CRB1: variants seen among roughly 807,000 people sequenced by gnomAD.
The protein encoded by CRB1 is crumbs cell polarity complex component 1.
Under a neutral mutation model 120.0 loss-of-function variants are expected in CRB1, and 83 were observed. The ratio of observed to expected loss-of-function variants is 0.69; its 90% confidence interval spans 0.58 to 0.83. The LOEUF (loss-of-function observed/expected upper bound fraction) is 0.83. Among genes scored for constraint, CRB1 ranks in the 40% least tolerant of loss-of-function variants. The pLI is 0.00. For synonymous variants in CRB1, 625 were observed against 612.5 expected, an observed-to-expected ratio of 1.02 and a Z score of -0.30; for missense variants, 1,699 against 1,687.6, an observed-to-expected ratio of 1.01 and a Z score of -0.12.
chr1:197,256,984 A>T, the CRB1 span, among the ~76,000 whole-genome samples: 3 of 147,944 alleles, frequency 2.0e-5, no homozygotes, highest in Admixed American at 1.4e-4. Context: ...TTATTAGGGA[A>T]ATTGGCTCAC....
At chr1:197,209,863 G>C in the CRB1 span, among the ~76,000 whole-genome samples, 1 of 152,226 alleles carries the variant, frequency 6.6e-6, no homozygotes, top group Non-Finnish European at 1.5e-5. Context: ...TTCCCCAGTG[G>C]GGGTATGTAT....
intron 11 of CRB1, among the ~76,000 whole-genome samples, chr1:197,460,599 T>C (rs1666486244): frequency 6.6e-6 from 1 of 152,132 alleles, no homozygotes; most frequent in African/African-American, 2.4e-5. Flanking sequence ...CATAGTACTG[T>C]TATTTCCACT....
Position 197,328,851 on chromosome 1 carries a change from T to C in CRB1, c.500T>C (p.Ile167Thr), listed in dbSNP as rs139837568. The C allele has an allele frequency of 1.2e-6, 2 of 1,610,276 alleles. No individual in the cohort carries two copies. The highest frequency in any genetic ancestry group is 1.7e-5 in the Admixed American group (1 of 59,944). ...AATGGGGCCGTGTGCCAGGATGGAA[T>C]TGATGGTTACTCCTGCTTCTGTGTC... ...CQNGAVCQDG[I>T]DGYSCFCVPG... Residue 167 changes from isoleucine to threonine, a missense_variant, in exon 2 of 12, where the codon ATT becomes ACT. Ile to Thr is a moderately conservative substitution (Grantham distance 89). Coordinates refer to ENST00000367400, the MANE Select transcript of CRB1 (RefSeq NM_201253.3).
At chr1:197,412,258 T>A (rs1663749323) in intron 5 of CRB1, among the ~76,000 whole-genome samples, 1 of 152,230 alleles carries the variant, frequency 6.6e-6, no homozygotes, top group Non-Finnish European at 1.5e-5. Context: ...GTAATATTTA[T>A]CCAAGTTCAC....
At chr1:197,421,984 G>A (rs1664356663) in intron 6 of CRB1, 28 bp downstream of exon 6, 2 of 1,602,730 alleles carry the variant, frequency 1.2e-6, no homozygotes, top group South Asian at 2.2e-5. Context: ...GCTATGGCTA[G>A]GAGTGCCATG....
At position 197,477,806 on chromosome 1, in the gene CRB1, G is replaced by A. The variant is rs200573274; in HGVS notation, c.4148G>A (p.Arg1383His). 1.5e-4 allele frequency: 248 copies of A among 1,613,866 alleles called. 1 individual carries two copies. The highest frequency in any genetic ancestry group is 6.0e-4 in the South Asian group (55 of 91,076). The change falls in exon 12 of 12, where the codon CGT (arginine) becomes CAT (histidine). Residue 1383 changes from arginine (R) to histidine (H), a missense_variant. Physicochemically the swap from Arg to His is conservative, Grantham distance 29. Coordinates refer to ENST00000367400, the MANE Select transcript of CRB1 (RefSeq NM_201253.3). ...RATQGTYSPS[R>H]QEKEGSRVEM... ...ACTCAGGGAACCTACAGCCCCAGCC[G>A]TCAGGAGAAGGAGGGCTCCCGAGTG...
chr1:197,394,793 G>T (rs1165083219), intron 5 of CRB1, among the ~76,000 whole-genome samples: 1 of 151,950 alleles, frequency 6.6e-6, no homozygotes, highest in African/African-American at 2.4e-5. Flanking sequence ...TATTTCTCCA[G>T]ATGTGGAGAT....
At chr1:197,283,848 T>G (rs1655674109) in intron 1 of CRB1, among the ~76,000 whole-genome samples, 1 of 151,526 alleles carries the variant, frequency 6.6e-6, no homozygotes, top group African/African-American at 2.4e-5. Flanking sequence ...ATTTAGTTAT[T>G]CAAACAATAA....
At chr1:197,419,973 A>G (rs1664209767) in intron 5 of CRB1, among the ~76,000 whole-genome samples, 1 of 141,742 alleles carries the variant, frequency 7.1e-6, no homozygotes, top group Admixed American at 7.6e-5. Context: ...AGAGCGAGAC[A>G]CGATCTCAAA....
intron 5 of CRB1, among the ~76,000 whole-genome samples, chr1:197,405,201 G>C (rs576501255): frequency 2.0e-5 from 3 of 152,008 alleles, no homozygotes; most frequent in Non-Finnish European, 4.4e-5. Flanking sequence ...TTAGCCTGCC[G>C]AGTGCCTGCG....
At chr1:197,446,655 G>A (rs1210349137) in intron 11 of CRB1, among the ~76,000 whole-genome samples, 3 of 152,212 alleles carry the variant, frequency 2.0e-5, no homozygotes, top group East Asian at 1.9e-4. Flanking sequence ...ACTGGACCCA[G>A]AAAGACACAG....
intron 8 of CRB1, among the ~76,000 whole-genome samples, chr1:197,432,456 A>AAATG (rs1664919858): frequency 6.6e-6 from 1 of 151,936 alleles, no homozygotes. Flanking sequence ...TAAGTCAAAT[A>AAATG]ATACACTTGA....
chr1:197,232,689 G>A, the CRB1 span, among the ~76,000 whole-genome samples: 1 of 152,080 alleles, frequency 6.6e-6, no homozygotes, highest in African/African-American at 2.4e-5. Context: ...TGAAGGAGAG[G>A]CCAGGTCTCT....
At chr1:197,396,100 G>T (rs1003154422) in intron 5 of CRB1, among the ~76,000 whole-genome samples, 2 of 152,050 alleles carry the variant, frequency 1.3e-5, no homozygotes, top group Non-Finnish European at 2.9e-5. Context: ...AAATTTCAAA[G>T]AATTTGCCAA....
intron 5 of CRB1, among the ~76,000 whole-genome samples, chr1:197,379,220 A>G (rs1249950502): frequency 6.6e-6 from 1 of 152,208 alleles, no homozygotes; most frequent in African/African-American, 2.4e-5. Flanking sequence ...GCAATTATAA[A>G]TGTACATAAT....
chr1:197,452,187 T>A (rs1666006516), intron 11 of CRB1, among the ~76,000 whole-genome samples: 1 of 152,174 alleles, frequency 6.6e-6, no homozygotes, highest in Non-Finnish European at 1.5e-5. Context: ...CACAGTTCAA[T>A]ATTCTTCCTG....
At chr1:197,453,938 TAATATATATTA>T in intron 11 of CRB1, among the ~76,000 whole-genome samples, 1 of 31,614 alleles carries the variant, frequency 3.2e-5, no homozygotes, top group African/African-American at 1.4e-4. Context: ...ATATTATTAA[TAATATATATTA>T]TTGATATTAT....
the CRB1 span, among the ~76,000 whole-genome samples, chr1:197,231,005 T>C: frequency 6.6e-6 from 1 of 152,326 alleles, no homozygotes; most frequent in East Asian, 1.9e-4. Context: ...TTTTGCAAAC[T>C]ATTAAGTGTT....
At chr1:197,283,681 A>T (rs1655665624) in intron 1 of CRB1, among the ~76,000 whole-genome samples, 1 of 151,848 alleles carries the variant, frequency 6.6e-6, no homozygotes. Context: ...CTAGAAATTT[A>T]ATAGCAATTA....
Sources: allele counts gnomAD v4.1 joint callset (sites outside exome capture counted in the v4.1 genomes callset), GRCh38; gene constraint gnomAD v4.1.1; transcripts MANE v1.5; gene names NCBI Gene and HGNC (gene_info 2026-07-23, HGNC 2026-07-21).